The following ZPBP variants were observed in gnomAD, a reference collection of about 807,000 sequenced individuals.
ZPBP encodes zona pellucida binding protein, also known as zona pellucida-binding protein 1.
Under a neutral mutation model 44.8 loss-of-function variants are expected in ZPBP, and 26 were observed. That is an observed-to-expected ratio of 0.58 (90% CI 0.43 to 0.81). The LOEUF is 0.81. ZPBP is among the 30% of genes least tolerant of loss of function. The pLI is 0.00. For synonymous variants in ZPBP, 174 were observed against 153.2 expected (o/e 1.14, Z -1.00); for missense variants, 409 against 434.0 (o/e 0.94, Z 0.51).
chr7:49,985,017 G>A lies in ZPBP; in HGVS notation c.784-1498C>T, dbSNP rs544389933. 1.7e-4 allele frequency among the ~76,000 whole-genome samples: 26 copies of A among 152,190 alleles called. No homozygotes were observed. In the East Asian group the frequency reaches 5.0e-3, roughly 29 times the overall value. The stretch of plus-strand genomic sequence containing the variant: ...TGGTTTCCTCCCACATCTCAAAGAT[G>A]CACGTTACATTAATTGGCATGGCTA... On this transcript the variant is annotated intron_variant, in intron 6 of 7. Coordinates refer to ENST00000046087, the MANE Select transcript of ZPBP (RefSeq NM_007009.3).
intron 2 of ZPBP, among the ~76,000 whole-genome samples, chr7:49,854,921 T>C (rs1790353509): frequency 6.6e-6 from 1 of 152,232 alleles, no homozygotes; most frequent in African/African-American, 2.4e-5. Flanking sequence ...ACTTGCCCAA[T>C]GCCATGCACC....
At position 49,911,005 on chromosome 7, in the gene ZPBP, T is replaced by C. The variant is rs200367704; in HGVS notation, n.412-9790A>G. ...AGGCCTGGAAGGTATACTGAATTTA[T>C]GTCACTTCAAGCAGTTTGCTTGTTT... is the stretch of plus-strand genomic sequence containing the variant. On this transcript the variant is annotated intron_variant and non_coding_transcript_variant, in intron 1 of 2. Coordinates refer to the ZPBP transcript ENST00000465922. 9.2e-5 allele frequency among the ~76,000 whole-genome samples: 14 copies of C among 152,330 alleles called. No individual in the cohort carries two copies. In the East Asian group the frequency reaches 1.7e-3, roughly 19 times the overall value.
chr7:49,918,883 A>G (rs1359112516), intron 1 of ZPBP: 1 of 151,994 alleles, frequency 6.6e-6, no homozygotes, highest in East Asian at 1.9e-4. Flanking sequence ...AACATGTGAA[A>G]CCCCATCTCT....
At chr7:49,996,526 C>T (rs1378312751) in intron 6 of ZPBP, among the ~76,000 whole-genome samples, 1 of 152,158 alleles carries the variant, frequency 6.6e-6, no homozygotes, top group Admixed American at 6.6e-5. Flanking sequence ...TAGTAAAAGG[C>T]CATTAAGTCC....
At chr7:49,905,954 T>C (rs1793063799) in intron 1 of ZPBP, among the ~76,000 whole-genome samples, 1 of 150,362 alleles carries the variant, frequency 6.7e-6, no homozygotes, top group Admixed American at 6.6e-5. Context: ...ATCAGGAAGT[T>C]ACCTTATATG....
At chr7:49,907,102 T>C (rs527632679) in intron 1 of ZPBP, among the ~76,000 whole-genome samples, 1 of 152,242 alleles carries the variant, frequency 6.6e-6, no homozygotes, top group Non-Finnish European at 1.5e-5. Flanking sequence ...CTGGGACATG[T>C]TTTTAGGTGA....
At chr7:49,898,108 CAT>C (rs757252224) in intron 2 of ZPBP, among the ~76,000 whole-genome samples, 3 of 151,574 alleles carry the variant, frequency 2.0e-5, no homozygotes, top group Non-Finnish European at 4.4e-5. Context: ...GTATGCTTTA[CAT>C]ATATGTGTGT....
At chr7:49,939,811 G>A (rs1410592220) in intron 7 of ZPBP, among the ~76,000 whole-genome samples, 2 of 152,144 alleles carry the variant, frequency 1.3e-5, no homozygotes, top group Non-Finnish European at 2.9e-5. Context: ...CATTCATAGT[G>A]AGGTGAGAGG....
chr7:50,011,925 G>A (rs1048989295), intron 6 of ZPBP, among the ~76,000 whole-genome samples: 1 of 151,488 alleles, frequency 6.6e-6, no homozygotes, highest in Non-Finnish European at 1.5e-5. Context: ...TGGTGAATCA[G>A]AAGGCTGATG....
intron 3 of ZPBP, among the ~76,000 whole-genome samples, chr7:50,081,148 T>G (rs983988679): frequency 2.0e-5 from 3 of 151,632 alleles, no homozygotes; most frequent in East Asian, 3.9e-4. Flanking sequence ...TCCAAGAAAA[T>G]AAAATAAGCC....
At chr7:49,890,737 A>C (rs1365928400) in intron 2 of ZPBP, among the ~76,000 whole-genome samples, 1 of 152,154 alleles carries the variant, frequency 6.6e-6, no homozygotes, top group South Asian at 2.1e-4. Context: ...AAACAAAAAA[A>C]AAAAAAACTG....
intron 1 of ZPBP, among the ~76,000 whole-genome samples, chr7:49,908,643 G>A (rs1793235989): frequency 6.6e-6 from 1 of 151,854 alleles, no homozygotes; most frequent in Admixed American, 6.6e-5. Context: ...TACTACACGT[G>A]ATAGCCAGGT....
intron 7 of ZPBP, among the ~76,000 whole-genome samples, chr7:49,979,506 G>T (rs1202911858): frequency 1.3e-5 from 2 of 151,800 alleles, no homozygotes; most frequent in East Asian, 3.9e-4. Flanking sequence ...ATAATAAGTT[G>T]AGTGTAATCA....
intron 1 of ZPBP, among the ~76,000 whole-genome samples, chr7:49,928,100 T>A (rs1443544587): frequency 6.6e-6 from 1 of 152,186 alleles, no homozygotes; most frequent in African/African-American, 2.4e-5. Flanking sequence ...GTAGCTAGAT[T>A]ATGCCTTGGT....
intron 2 of ZPBP, among the ~76,000 whole-genome samples, chr7:49,881,256 T>C (rs1160106131): frequency 6.6e-6 from 1 of 152,166 alleles, no homozygotes; most frequent in African/African-American, 2.4e-5. Flanking sequence ...TCCAGTTCTT[T>C]TGTTCCATTT....
chr7:50,048,375 TGA>T (rs1468594701), intron 4 of ZPBP, among the ~76,000 whole-genome samples: 1 of 152,106 alleles, frequency 6.6e-6, no homozygotes, highest in African/African-American at 2.4e-5. Context: ...CAAATAGATC[TGA>T]GAGTCATCTA....
At chr7:49,985,145 A>T (rs1415924293) in intron 6 of ZPBP, among the ~76,000 whole-genome samples, 1 of 152,206 alleles carries the variant, frequency 6.6e-6, no homozygotes, top group Non-Finnish European at 1.5e-5. Context: ...GAGCTACCTG[A>T]ATAGGCTCCA....
intron 4 of ZPBP, among the ~76,000 whole-genome samples, chr7:50,031,923 A>C: frequency 6.6e-6 from 1 of 152,108 alleles, no homozygotes; most frequent in Non-Finnish European, 1.5e-5. Flanking sequence ...AATTCACTAC[A>C]ATACCAAAAG....
At chr7:50,033,101 CT>C (rs1554377215) in intron 4 of ZPBP, among the ~76,000 whole-genome samples, 1 of 150,036 alleles carries the variant, frequency 6.7e-6, no homozygotes, top group Non-Finnish European at 1.5e-5. Context: ...GTCAAGAAAG[CT>C]TTTTTTTTAG....
Sources: allele counts gnomAD v4.1 joint callset (sites outside exome capture counted in the v4.1 genomes callset), GRCh38; gene constraint gnomAD v4.1.1; transcripts MANE v1.5; gene names NCBI Gene and HGNC (gene_info 2026-07-23, HGNC 2026-07-21).